Variants in MGAT4D observed in about 807,000 individuals in gnomAD.
MGAT4D encodes the protein alpha-1,3-mannosyl-glycoprotein 4-beta-N-acetylglucosaminyltransferase-like protein MGAT4D.
A neutral mutation model predicts 15.9 loss-of-function variants in MGAT4D; 34 were observed. The observed-to-expected ratio is 2.14, with a 90% CI of 1.62 to 2.84. MGAT4D has a LOEUF of 2.84. MGAT4D is among the 30% of genes most tolerant of loss of function. The pLI is 0.00. For missense variants in MGAT4D, 327 were observed against 140.2 expected (o/e 2.33, Z -6.73); for synonymous variants, 112 against 48.2 (o/e 2.33, Z -5.49).
intron 1 of MGAT4D, among the ~76,000 whole-genome samples, chr4:140,487,065 T>C (rs1290705522): frequency 6.6e-6 from 1 of 152,248 alleles, no homozygotes; most frequent in Non-Finnish European, 1.5e-5. Flanking sequence ...AAGCAGTATT[T>C]ACAGCAACAA....
At chr4:140,491,722 G>A (rs56085390) in intron 1 of MGAT4D, among the ~76,000 whole-genome samples, 2,161 of 151,920 alleles carry the variant, frequency 0.014, 26 homozygotes, top group South Asian at 0.045. Flanking sequence ...AACAGAGAGC[G>A]GAGACACCAC....
chr4:140,451,410 T>C lies in MGAT4D; in HGVS notation c.1116A>G (p.Lys372=). Residue 372 remains lysine, a splice_region_variant and synonymous_variant, in exon 10 of 11, where the codon AAA becomes AAG. Coordinates refer to ENST00000511113, the MANE Select transcript of MGAT4D (RefSeq NM_001277353.2). ...SSFPRKEQYE[K]KI is the part of the protein sequence containing the mutation. ...CTAAAGTTACATTTCAAAATCTTACTTTTTCATATTGTTCTTTTCTAGGGA... is the reference window on the plus strand; with the variant it reads ...CTAAAGTTACATTTCAAAATCTTACCTTTTCATATTGTTCTTTTCTAGGGA... 1 of 591,120 alleles carries C rather than the reference T, an allele frequency of 1.7e-6. No homozygotes were observed. The highest frequency in any genetic ancestry group is 3.0e-6 in the Non-Finnish European group (1 of 329,088). The allele number at this position is 591,120 out of a possible 1,614,324, so 36.6% of individuals were successfully genotyped here.
At chr4:140,445,520 G>C (rs970516544) in intron 10 of MGAT4D, among the ~76,000 whole-genome samples, 3 of 152,116 alleles carry the variant, frequency 2.0e-5, no homozygotes, top group African/African-American at 7.2e-5. Context: ...CTATATAGAA[G>C]CTCTTTAGTT....
At chr4:140,463,702 C>A (rs1399983443) in intron 6 of MGAT4D, among the ~76,000 whole-genome samples, 1 of 152,058 alleles carries the variant, frequency 6.6e-6, no homozygotes, top group African/African-American at 2.4e-5. Flanking sequence ...ACAATGTTGG[C>A]TATCTTACAG....
At chr4:140,469,082 ATTTGTGTCCC>A (rs1731740973) in intron 5 of MGAT4D, among the ~76,000 whole-genome samples, 1 of 152,116 alleles carries the variant, frequency 6.6e-6, no homozygotes, top group Non-Finnish European at 1.5e-5. Flanking sequence ...CCCAAACAGT[ATTTGTGTCCC>A]TTAAGACAGG....
intron 1 of MGAT4D, among the ~76,000 whole-genome samples, chr4:140,485,302 C>CA (rs1308887213): frequency 3.3e-5 from 5 of 151,010 alleles, no homozygotes; most frequent in Non-Finnish European, 5.9e-5. Flanking sequence ...ATCACAAGGA[C>CA]AAAAAACCAA....
chr4:140,473,496 C>T (rs924211276), intron 4 of MGAT4D, among the ~76,000 whole-genome samples: 20 of 152,116 alleles, frequency 1.3e-4, no homozygotes, highest in Admixed American at 7.2e-4. Context: ...TTTCATCCCC[C>T]AACAACCTTA....
intron 10 of MGAT4D, among the ~76,000 whole-genome samples, chr4:140,443,735 A>C (rs1330003163): frequency 6.6e-6 from 1 of 152,112 alleles, no homozygotes; most frequent in African/African-American, 2.4e-5. Flanking sequence ...ATTACAGCCA[A>C]CAAAACATTG....
intron 4 of MGAT4D, among the ~76,000 whole-genome samples, chr4:140,472,400 T>TA (rs1405556294): frequency 6.6e-6 from 1 of 152,254 alleles, no homozygotes; most frequent in African/African-American, 2.4e-5. Context: ...GGATAATTTT[T>TA]AAAAAAATAA....
At position 140,486,512 on chromosome 4, in the gene MGAT4D, C is replaced by T. The variant is rs547940411; in HGVS notation, c.95-4027G>A. Among the ~76,000 whole-genome samples the T allele has an allele frequency of 1.4e-4, 22 of 152,190 alleles. 2 individuals are homozygous for T. Among genetic ancestry groups the T allele is most frequent in the African/African-American group, 4.8e-4 (20 of 41,504 alleles). ...CCTAGCCACCCACCCCGAAACAGGC[C>T]CCGGTGTGTGATGTTCCCCTCCCTG... On this transcript the variant is annotated intron_variant, in intron 1 of 10. Transcript: ENST00000511113.
intron 1 of MGAT4D, among the ~76,000 whole-genome samples, chr4:140,494,188 A>G (rs1001654211): frequency 1.3e-5 from 2 of 152,210 alleles, no homozygotes; most frequent in African/African-American, 4.8e-5. Flanking sequence ...CTGGCAAAAC[A>G]GTTACCTTAA....
At chr4:140,490,938 G>A (rs1293601894) in intron 1 of MGAT4D, among the ~76,000 whole-genome samples, 1 of 151,948 alleles carries the variant, frequency 6.6e-6, no homozygotes, top group Non-Finnish European at 1.5e-5. Context: ...ATATAGTTAT[G>A]CTATTGTACT....
intron 4 of MGAT4D, among the ~76,000 whole-genome samples, chr4:140,473,888 A>G (rs1732143629): frequency 6.6e-6 from 1 of 150,432 alleles, no homozygotes; most frequent in African/African-American, 2.4e-5. Context: ...TTTAGTAGAG[A>G]TGGGGGTCTC....
At chr4:140,446,743 GTTTTTTTTTTTTTTTTTTTTTTTTT>G (rs149442061) in intron 10 of MGAT4D, among the ~76,000 whole-genome samples, 1 of 8,150 alleles carries the variant, frequency 1.2e-4, no homozygotes, top group Non-Finnish European at 2.2e-4. Flanking sequence ...TGCTTCTCTA[GTTTTTTTTTTTTTTTTTTTTTTTTT>G]TTTTTTTTTT....
At chr4:140,475,926 C>T (rs1732297257) in intron 3 of MGAT4D, among the ~76,000 whole-genome samples, 1 of 148,964 alleles carries the variant, frequency 6.7e-6, no homozygotes, top group Admixed American at 6.9e-5. Flanking sequence ...ATTCTCCTGT[C>T]TCAGTCTCCC....
intron 1 of MGAT4D, among the ~76,000 whole-genome samples, chr4:140,491,237 T>C (rs1280082120): frequency 5.3e-5 from 8 of 152,166 alleles, no homozygotes; most frequent in Non-Finnish European, 1.2e-4. Flanking sequence ...TGGACAGTAA[T>C]AACAATCTAT....
chr4:140,497,729 C>G (rs1349750885), intron 1 of MGAT4D, among the ~76,000 whole-genome samples: 1 of 152,140 alleles, frequency 6.6e-6, no homozygotes, highest in African/African-American at 2.4e-5. Flanking sequence ...AGGAAAGATG[C>G]GGACAGATGC....
At chr4:140,476,369 T>C (rs1732334250) in intron 3 of MGAT4D, among the ~76,000 whole-genome samples, 1 of 152,192 alleles carries the variant, frequency 6.6e-6, no homozygotes, top group Non-Finnish European at 1.5e-5. Context: ...TCTTTGTTGT[T>C]TGGGTTTTCT....
chr4:140,480,419 T>C (rs1471207677), intron 2 of MGAT4D, among the ~76,000 whole-genome samples: 1 of 151,862 alleles, frequency 6.6e-6, no homozygotes, highest in African/African-American at 2.4e-5. Flanking sequence ...GACCCTGAGA[T>C]AGGTAAAGAG....
Sources: allele counts gnomAD v4.1 joint callset (sites outside exome capture counted in the v4.1 genomes callset), GRCh38; gene constraint gnomAD v4.1.1; transcripts MANE v1.5; gene names NCBI Gene and HGNC (gene_info 2026-07-23, HGNC 2026-07-21).